NDUFB5: variants seen among roughly 807,000 people sequenced by gnomAD.
NDUFB5 encodes NADH:ubiquinone oxidoreductase subunit B5, also known as NADH dehydrogenase [ubiquinone] 1 beta subcomplex subunit 5, mitochondrial.
NDUFB5 carries 19 observed loss-of-function variants against 19.4 expected under a neutral mutation model. The ratio of observed to expected loss-of-function variants is 0.98; its 90% CI spans 0.68 to 1.43. The LOEUF is 1.43. Ranked by LOEUF, NDUFB5 falls within the 40% of genes most tolerant of loss-of-function variation. The probability of loss-of-function intolerance (pLI) is 0.00; values close to 1 mark genes in which losing one functional copy is unlikely to be tolerated. For synonymous variants in NDUFB5, 80 were observed against 82.6 expected, an observed-to-expected ratio of 0.97 and a Z score of 0.17; for missense variants, 233 against 236.5, an observed-to-expected ratio of 0.99 and a Z score of 0.10.
At chr3:179,610,239 C>T (rs1030963576) in intron 1 of NDUFB5, among the ~76,000 whole-genome samples, 3 of 152,086 alleles carry the variant, frequency 2.0e-5, no homozygotes, top group African/African-American at 7.2e-5. Context: ...ATGACGGGTG[C>T]ACACCACCAC....
chr3:179,616,992 A>T lies in NDUFB5; in HGVS notation c.290A>T (p.Glu97Val), dbSNP rs1393260401. ...TLVNVFIGQAELAEIPEGYVP... is the reference protein window; with the variant it reads ...TLVNVFIGQAVLAEIPEGYVP... ...CATTTTTTCTTATTAGGTCAAGCTGAACTAGCAGAAATTCCAGAAGGCTAT... is the reference window on the plus strand; with the variant it reads ...CATTTTTTCTTATTAGGTCAAGCTGTACTAGCAGAAATTCCAGAAGGCTAT... The change falls in exon 4 of 6, where the codon GAA becomes GTA. Residue 97 changes from glutamate to valine, a missense_variant. Glu to Val is a moderately radical substitution (Grantham distance 121). Coordinates refer to ENST00000259037, the MANE Select transcript of NDUFB5 (RefSeq NM_002492.4). 5.0e-6 allele frequency: 8 copies of T among 1,612,248 alleles called. No individual in the cohort carries two copies. The highest frequency in any genetic ancestry group is 1.3e-5 in the African/African-American group (1 of 74,888).
chr3:179,609,181 A>G (rs911847597), intron 1 of NDUFB5, among the ~76,000 whole-genome samples: 1 of 152,242 alleles, frequency 6.6e-6, no homozygotes, highest in African/African-American at 2.4e-5. Flanking sequence ...TGGATATACA[A>G]ATACCTCTTC....
chr3:179,606,499 C>T (rs1383273790), intron 1 of NDUFB5, among the ~76,000 whole-genome samples: 3 of 151,956 alleles, frequency 2.0e-5, no homozygotes, highest in South Asian at 2.1e-4. Context: ...CCTCCATGCC[C>T]GGCTAATTTT....
At chr3:179,616,103 A>G (rs1719370554) in intron 3 of NDUFB5, 54 bp downstream of exon 3, 2 of 1,275,578 alleles carry the variant, frequency 1.6e-6, no homozygotes, top group Non-Finnish European at 2.2e-6. Flanking sequence ...ATTTTTAAAC[A>G]TATGTACATT....
chr3:179,625,429 T>C lies in NDUFB5; in HGVS notation c.*1389T>C, dbSNP rs1719645141. The stretch of plus-strand genomic sequence containing the variant: ...AGGCCATTCATTCAACAAATAACTT[T>C]ATTATTTTTATTGATAATGTACTTG... On this transcript the variant is annotated 3_prime_UTR_variant, in exon 6 of 6. Coordinates refer to ENST00000259037, the MANE Select transcript of NDUFB5 (RefSeq NM_002492.4). 1 of 152,194 alleles carries C rather than the reference T, an allele frequency of 6.6e-6. No homozygotes were observed. Among genetic ancestry groups the C allele is most frequent in the Admixed American group, 6.5e-5 (1 of 15,290 alleles). The allele number at this position is 152,194 out of a possible 1,614,324, so 9.4% of individuals were successfully genotyped here.
At chr3:179,623,246 G>A (rs11927983) in intron 5 of NDUFB5, among the ~76,000 whole-genome samples, 2,736 of 152,328 alleles carry the variant, frequency 0.018, 68 homozygotes, top group African/African-American at 0.054. Context: ...TAGACATTCT[G>A]TAAATGACTC....
intron 4 of NDUFB5, 124 bp downstream of exon 4, chr3:179,617,168 C>T (rs1576882585): frequency 6.1e-6 from 4 of 658,676 alleles, no homozygotes; most frequent in African/African-American, 1.9e-5. Flanking sequence ...GACAGCATCT[C>T]GCTCTGTTGC....
At chr3:179,619,196 G>GT (rs63194561) in intron 5 of NDUFB5, among the ~76,000 whole-genome samples, 62 of 123,798 alleles carry the variant, frequency 5.0e-4, no homozygotes, top group South Asian at 1.1e-3. Context: ...CTGAGTGCCT[G>GT]TTTTTTTTTT....
At chr3:179,609,541 G>T (rs1313973179) in intron 1 of NDUFB5, among the ~76,000 whole-genome samples, 1 of 152,162 alleles carries the variant, frequency 6.6e-6, no homozygotes, top group Non-Finnish European at 1.5e-5. Flanking sequence ...GTGCCTGTGG[G>T]TTGCCTGTGA....
At chr3:179,623,697 A>C (rs1719592957) in intron 5 of NDUFB5, among the ~76,000 whole-genome samples, 1 of 152,138 alleles carries the variant, frequency 6.6e-6, no homozygotes. Flanking sequence ...CAACAAAAAA[A>C]CTGTTTGATA....
At chr3:179,615,149 A>G in intron 2 of NDUFB5, 90 bp downstream of exon 2, 1 of 619,816 alleles carries the variant, frequency 1.6e-6, no homozygotes, top group Non-Finnish European at 2.8e-6. Context: ...CATTTTATGA[A>G]ATATTTTATT....
chr3:179,606,126 G>A (rs1405772093), intron 1 of NDUFB5, among the ~76,000 whole-genome samples: 1 of 152,126 alleles, frequency 6.6e-6, no homozygotes, highest in Non-Finnish European at 1.5e-5. Flanking sequence ...GGACCTCCTT[G>A]GAGACAGTGA....
intron 1 of NDUFB5, 119 bp from the exon 2 acceptor site, chr3:179,614,852 C>A: frequency 3.1e-6 from 2 of 643,258 alleles, no homozygotes; most frequent in Non-Finnish European, 4.9e-6. Context: ...AAAACCCAGT[C>A]ATCCTGCTTA....
At chr3:179,619,618 G>A (rs1489257718) in intron 5 of NDUFB5, among the ~76,000 whole-genome samples, 8 of 151,918 alleles carry the variant, frequency 5.3e-5, no homozygotes, top group Non-Finnish European at 1.2e-4. Flanking sequence ...CATTTGGCTT[G>A]TCCAAGTCTT....
At chr3:179,608,217 TCTCA>T (rs1719154643) in intron 1 of NDUFB5, among the ~76,000 whole-genome samples, 1 of 150,536 alleles carries the variant, frequency 6.6e-6, no homozygotes, top group Non-Finnish European at 1.5e-5. Flanking sequence ...TGAAACAGAG[TCTCA>T]CTCTGTTGCC....
At chr3:179,623,795 G>T in intron 5 of NDUFB5, 125 bp from the exon 6 acceptor site, 2 of 1,194,956 alleles carry the variant, frequency 1.7e-6, no homozygotes, top group East Asian at 2.4e-5. Flanking sequence ...CTACATAAGG[G>T]TCTGTGGAGG....
intron 5 of NDUFB5, among the ~76,000 whole-genome samples, chr3:179,620,742 A>C (rs1560027027): frequency 6.6e-6 from 1 of 152,092 alleles, no homozygotes; most frequent in Non-Finnish European, 1.5e-5. Flanking sequence ...TTGCTATTGT[A>C]CATACTGCTG....
Position 179,624,020 on chromosome 3 carries a change from A to G in NDUFB5, c.550A>G (p.Lys184Glu). ...IDKELIDHSPKATPDN is the reference protein window; with the variant it reads ...IDKELIDHSPEATPDN The stretch of plus-strand genomic sequence containing the variant: ...CAAGGAACTTATTGATCATTCTCCG[A>G]AAGCAACTCCTGACAATTAAGCATT... The change falls in exon 6 of 6, where the codon AAA becomes GAA. Residue 184 changes from lysine (K) to glutamate (E), a missense_variant. Lys to Glu is a moderately conservative substitution (Grantham distance 56). Coordinates refer to ENST00000259037, the MANE Select transcript of NDUFB5 (RefSeq NM_002492.4). 1 of 1,613,852 alleles carries G rather than the reference A, an allele frequency of 6.2e-7. No homozygotes were observed. The highest frequency in any genetic ancestry group is 8.5e-7 in the Non-Finnish European group (1 of 1,179,822).
Position 179,626,509 on chromosome 3 carries a change from C to T in NDUFB5, c.*2469C>T, listed in dbSNP as rs1296140316. 1 of 151,926 alleles carries T rather than the reference C, an allele frequency of 6.6e-6. No individual in the cohort carries two copies. The highest frequency in any genetic ancestry group is 1.5e-5 in the Non-Finnish European group (1 of 68,132). 9.4% of individuals were successfully genotyped at this position (151,926 alleles called of 1,614,324 possible). On this transcript the variant is annotated 3_prime_UTR_variant, in exon 6 of 6. Transcript: ENST00000259037. ...ACCTTGGCCTCTCAAAGTGCAGGTA[C>T]TTTAGGCGTGCCTGGCCTTTTTGTC...
Sources: allele counts gnomAD v4.1 joint callset (sites outside exome capture counted in the v4.1 genomes callset), GRCh38; gene constraint gnomAD v4.1.1; transcripts MANE v1.5; gene names NCBI Gene and HGNC (gene_info 2026-07-23, HGNC 2026-07-21).